Variants in NAV3 observed in about 807,000 individuals in gnomAD.
NAV3 encodes neuron navigator 3.
In NAV3, 87 loss-of-function variants were observed where a neutral mutation model predicts 244.7. The ratio of observed to expected loss-of-function variants is 0.36; its 90% CI spans 0.30 to 0.42. NAV3 has a LOEUF of 0.42. NAV3 is among the 20% of genes least tolerant of loss of function. The pLI, the probability that NAV3 is intolerant of heterozygous loss-of-function variation, is 1.00. For missense variants in NAV3, 2,663 were observed against 2,893.3 expected (o/e 0.92, Z 1.83); for synonymous variants, 1,126 against 1,042.2 (o/e 1.08, Z -1.55).
chr12:77,657,950 A>C (rs1873204482), intron 2 of NAV3, among the ~76,000 whole-genome samples: 1 of 152,188 alleles, frequency 6.6e-6, no homozygotes, highest in Non-Finnish European at 1.5e-5. Context: ...TATTGATGGG[A>C]TGTATCTCAA....
chr12:77,616,179 G>C (rs1323467163), intron 2 of NAV3, among the ~76,000 whole-genome samples: 1 of 151,888 alleles, frequency 6.6e-6, no homozygotes, highest in African/African-American at 2.4e-5. Flanking sequence ...GGCCAAGGTG[G>C]GTAGATTACC....
chr12:78,061,418 T>C (rs1884305560), intron 12 of NAV3, among the ~76,000 whole-genome samples: 1 of 152,212 alleles, frequency 6.6e-6, no homozygotes, highest in Admixed American at 6.5e-5. Context: ...AATGACTTGT[T>C]ATACCTGAAA....
chr12:77,590,200 T>C (rs1458655365), intron 2 of NAV3, among the ~76,000 whole-genome samples: 2 of 152,218 alleles, frequency 1.3e-5, no homozygotes, highest in African/African-American at 4.8e-5. Context: ...TCAGCACTTT[T>C]GGTCAGGATT....
chr12:78,005,476 G>A (rs1264926552), intron 7 of NAV3, among the ~76,000 whole-genome samples: 5 of 152,210 alleles, frequency 3.3e-5, no homozygotes, highest in Admixed American at 2.6e-4. Context: ...TGTGTGAGCA[G>A]CAACGGCATC....
chr12:77,640,096 CCT>C (rs1218741735), intron 2 of NAV3, among the ~76,000 whole-genome samples: 1 of 152,102 alleles, frequency 6.6e-6, no homozygotes, highest in Non-Finnish European at 1.5e-5. Flanking sequence ...TCAGACATCT[CCT>C]CTGTTATACA....
intron 12 of NAV3, among the ~76,000 whole-genome samples, chr12:78,074,944 G>A (rs1039260338): frequency 1.3e-5 from 2 of 152,142 alleles, no homozygotes; most frequent in African/African-American, 4.8e-5. Flanking sequence ...AGACTAGAGA[G>A]TTTCCTCTGG....
At chr12:78,095,174 TCATGTAATG>T (rs1353436413) in intron 12 of NAV3, among the ~76,000 whole-genome samples, 3 of 151,822 alleles carry the variant, frequency 2.0e-5, no homozygotes, top group African/African-American at 7.3e-5. Context: ...TTGTTATGTT[TCATGTAATG>T]CATTTACTTT....
At chr12:77,694,615 T>A (rs1875207489) in intron 2 of NAV3, among the ~76,000 whole-genome samples, 1 of 152,210 alleles carries the variant, frequency 6.6e-6, no homozygotes, top group African/African-American at 2.4e-5. Flanking sequence ...ACATGACTAG[T>A]ATCTCCTTGA....
At chr12:78,085,599 T>C (rs963007529) in intron 12 of NAV3, among the ~76,000 whole-genome samples, 1 of 152,080 alleles carries the variant, frequency 6.6e-6, no homozygotes, top group Non-Finnish European at 1.5e-5. Flanking sequence ...AAATAGAAGA[T>C]GTAGTAGAAG....
intron 7 of NAV3, among the ~76,000 whole-genome samples, chr12:78,001,508 G>T (rs1038809570): frequency 6.6e-6 from 1 of 152,070 alleles, no homozygotes; most frequent in Non-Finnish European, 1.5e-5. Flanking sequence ...AAAACAAATT[G>T]TTGAAAGTAC....
At chr12:77,903,763 T>A (rs1409160592) in intron 1 of NAV3, among the ~76,000 whole-genome samples, 1 of 152,116 alleles carries the variant, frequency 6.6e-6, no homozygotes, top group African/African-American at 2.4e-5. Context: ...AGGGCTAATA[T>A]CTAGAATCTA....
intron 1 of NAV3, among the ~76,000 whole-genome samples, chr12:77,909,375 T>C (rs76128194): frequency 0.016 from 2,411 of 151,924 alleles, 72 homozygotes; most frequent in African/African-American, 0.056. Context: ...TGATCAAGGG[T>C]GATCATAGTG....
chr12:77,953,052 G>A, intron 3 of NAV3, among the ~76,000 whole-genome samples: 1 of 151,996 alleles, frequency 6.6e-6, no homozygotes, highest in Non-Finnish European at 1.5e-5. Context: ...TCAGGTCAAT[G>A]AATACTGATG....
At chr12:78,208,198 A>G (rs169949) in intron 39 of NAV3, among the ~76,000 whole-genome samples, 114,102 of 151,918 alleles carry the variant, frequency 0.75, 43,019 homozygotes, top group South Asian at 0.84. Flanking sequence ...GAGAGGTCAC[A>G]TGGTGAGAAA....
At chr12:77,903,284 A>G (rs977546072) in intron 1 of NAV3, among the ~76,000 whole-genome samples, 1 of 152,202 alleles carries the variant, frequency 6.6e-6, no homozygotes, top group Non-Finnish European at 1.5e-5. Flanking sequence ...TGGTACTAGT[A>G]CAAAAACAGA....
intron 2 of NAV3, among the ~76,000 whole-genome samples, chr12:77,677,123 G>A (rs1874241852): frequency 6.6e-6 from 1 of 152,116 alleles, no homozygotes; most frequent in Admixed American, 6.6e-5. Flanking sequence ...TTTAACCAGA[G>A]GTATTTTCAA....
chr12:78,183,847 A>G lies in NAV3; in HGVS notation c.5693-1754A>G, dbSNP rs569259025. 1.4e-4 allele frequency among the ~76,000 whole-genome samples: 22 copies of G among 151,958 alleles called. No homozygotes were observed. In the South Asian group the frequency reaches 4.6e-3, roughly 32 times the overall value. On this transcript the variant is annotated intron_variant, in intron 30 of 39. Coordinates refer to ENST00000397909, the MANE Select transcript of NAV3 (RefSeq NM_001024383.2). ...TACTTATTTCCATCCACATCATTTC[A>G]TACTACTCCTCACCCTCCCCTTGTC... is the stretch of plus-strand genomic sequence containing the variant.
chr12:77,688,814 G>A (rs1874875285), intron 2 of NAV3, among the ~76,000 whole-genome samples: 1 of 151,888 alleles, frequency 6.6e-6, no homozygotes, highest in Non-Finnish European at 1.5e-5. Context: ...ATATACAGGT[G>A]TAGGGAAAAG....
In NAV3 at chr12:78,006,854, G is replaced by A. The variant is rs1402842188; in HGVS notation, c.1316G>A (p.Ser439Asn). 1 of 1,614,130 alleles carries A rather than the reference G, an allele frequency of 6.2e-7. No homozygotes were observed. The highest frequency in any genetic ancestry group is 1.3e-5 in the African/African-American group (1 of 75,018). The change falls in exon 8 of 40, where the codon AGT becomes AAT. Residue 439 changes from serine (S) to asparagine (N), a missense_variant. Ser to Asn is a conservative substitution (Grantham distance 46). This residue lies in a region of NAV3 where 1,521 missense variants were observed against 1,497.0 expected (regional missense o/e 1.02). Coordinates refer to ENST00000397909, the MANE Select transcript of NAV3 (RefSeq NM_001024383.2). ...AATAGTGGTGGCTCAACAAATAGCA[G>A]TCCCAAAGTGTCACCTAAGTTGGCC... Reference protein sequence around the residue: ...GLNSGGSTNSSPKVSPKLAPP... With the variant: ...GLNSGGSTNSNPKVSPKLAPP...
Sources: allele counts gnomAD v4.1 joint callset (sites outside exome capture counted in the v4.1 genomes callset), GRCh38; gene constraint gnomAD v4.1.1; regional missense constraint gnomAD v4.1.1; transcripts MANE v1.5; gene names NCBI Gene and HGNC (gene_info 2026-07-23, HGNC 2026-07-21).